Variants in MAGED2 observed in about 807,000 individuals in gnomAD.
The protein encoded by MAGED2 is MAGE family member D2, also known as melanoma-associated antigen D2.
In MAGED2, 6 loss-of-function variants were observed where a neutral mutation model predicts 41.7. The ratio of observed to expected loss-of-function variants is 0.14; its 90% CI spans 0.08 to 0.28. The LOEUF (loss-of-function observed/expected upper bound fraction) is 0.28, where lower values mean the gene tolerates loss of function less well. Among genes scored for constraint, MAGED2 ranks in the 10% least tolerant of loss-of-function variants. The probability of loss-of-function intolerance (pLI) is 1.00; values close to 1 mark genes in which losing one functional copy is unlikely to be tolerated. For missense variants in MAGED2, 343 were observed against 486.4 expected (o/e 0.71, Z 2.77); for synonymous variants, 146 against 178.2 (o/e 0.82, Z 1.44).
At position 54,815,464 on chromosome X, in the gene MAGED2, G is replaced by C. The variant is rs1460898784; in HGVS notation, c.1603G>C (p.Ala535Pro). The change falls in exon 12 of 13, where the codon GCA (alanine) becomes CCA (proline). Residue 535 changes from alanine to proline, a missense_variant. Transcript: ENST00000375068. ...PWAKARIQAGAEAKAKAQESG... is the reference protein window; with the variant it reads ...PWAKARIQAGPEAKAKAQESG... The stretch of plus-strand genomic sequence containing the variant: ...GGCCAAAGCCCGGATCCAGGCGGGA[G>C]CAGAAGCTAAAGCCAAAGCCCAAGA... 8 of 1,203,271 alleles carry C rather than the reference G, an allele frequency of 6.6e-6. No individual in the cohort carries two copies. In the Admixed American group the frequency reaches 1.3e-4, roughly 20 times the overall value.
chrX:54,808,981 A>C (rs1929707488), intron 1 of MAGED2: 1 of 305,565 alleles, frequency 3.3e-6, no homozygotes, highest in Non-Finnish European at 5.9e-6. Flanking sequence ...TCGTGCTGGG[A>C]AAGCGGGCGG....
At chrX:54,810,705 G>T in intron 3 of MAGED2, 116 bp from the exon 4 acceptor site, 1 of 571,887 alleles carries the variant, frequency 1.7e-6, no homozygotes. Flanking sequence ...AACATCTATT[G>T]AGTCAGGCTG....
Position 54,811,373 on chromosome X carries a change from T to C in MAGED2, c.910+60T>C, listed in dbSNP as rs1040044230. ...TCTGCCCTCCATTGCCCTTACACCA[T>C]TGTGCTGGGGATATCCCCTGCTCTT... On this transcript the variant is annotated intron_variant, in intron 5 of 12. Coordinates refer to ENST00000375068, the MANE Select transcript of MAGED2 (RefSeq NM_177433.3). 8 of 1,076,586 alleles carry C rather than the reference T, an allele frequency of 7.4e-6. No individual in the cohort carries two copies. In the Admixed American group the frequency reaches 8.8e-5, roughly 12 times the overall value. The allele number at this position is 1,076,586 out of a possible 1,213,427, so 88.7% of individuals were successfully genotyped here. A position where few individuals can be genotyped will look rare whatever the true frequency, so the allele number is the denominator to read the frequency against.
intron 10 of MAGED2, 126 bp downstream of exon 10, chrX:54,813,676 C>A: frequency 1.8e-6 from 1 of 567,346 alleles, no homozygotes; most frequent in Non-Finnish European, 2.9e-6. Flanking sequence ...TGCATGTATG[C>A]AGGTGGGATT....
Position 54,808,846 on chromosome X carries a change from CTG to C in MAGED2, c.-29-456_-29-455del, listed in dbSNP as rs1376964520. ...GCGTGTGTTGGGGCAGAGTGCCAGA[CTG>C]AGACCACGACCATTGCGCATGCGCA... On this transcript the variant is annotated intron_variant, in intron 1 of 12. Coordinates refer to ENST00000375068, the MANE Select transcript of MAGED2 (RefSeq NM_177433.3). 8.4e-4 allele frequency among the ~76,000 whole-genome samples: 95 copies of C among 112,567 alleles called. 1 individual carries two copies. The highest frequency in any genetic ancestry group is 2.9e-3 in the African/African-American group (90 of 30,992).
chrX:54,815,514 C>A lies in MAGED2; in HGVS notation c.1653C>A (p.Ala551=). 8.4e-7 allele frequency: 1 copy of A among 1,188,962 alleles called. No homozygotes were observed. Among genetic ancestry groups the A allele is most frequent in the South Asian group, 1.8e-5 (1 of 54,429 alleles). Residue 551 remains alanine, a synonymous_variant, in exon 12 of 13, where the codon GCC becomes GCA. Transcript: ENST00000375068. ...AQESGSASTG[A]STSTNNSASA... ...AGAGTGGCAGTGCCAGCACTGGTGC[C>A]AGTACCAGTACCAATAACAGTGCCA...
intron 1 of MAGED2, chrX:54,808,969 G>A (rs1929706874): frequency 3.4e-6 from 1 of 293,214 alleles, no homozygotes; most frequent in Admixed American, 4.9e-5. Flanking sequence ...CAAAGAAAGG[G>A]CTCGTGCTGG....
At chrX:54,808,279 A>C (rs1929675651) in intron 1 of MAGED2, 1 of 76,992 alleles carries the variant, frequency 1.3e-5, no homozygotes, top group East Asian at 3.8e-4. Context: ...AATGAGGAGC[A>C]GGGAGCGGGG....
At position 54,811,312 on chromosome X, in the gene MAGED2, G is replaced by A. The variant is rs771039734; in HGVS notation, c.909G>A (p.Ser303=). ...KDQTKIPIKR[S]DMLKDIIKEY... is the part of the protein sequence containing the mutation. ...AGACGAAGATTCCCATCAAGCGCTC[G>A]GGTAAAGTCCTACCAATCCTCCCTC... The change falls in exon 5 of 13, where the codon TCG becomes TCA. Residue 303 remains serine, a splice_region_variant and synonymous_variant. Coordinates refer to ENST00000375068, the MANE Select transcript of MAGED2 (RefSeq NM_177433.3). 21 of 1,207,281 alleles carry A rather than the reference G, an allele frequency of 1.7e-5. No homozygotes were observed. In the East Asian group the frequency reaches 3.3e-4, roughly 19 times the overall value.
chrX:54,812,881 T>C (rs968083327), intron 7 of MAGED2, 64 bp from the exon 8 acceptor site: 36 of 836,243 alleles, frequency 4.3e-5, no homozygotes, highest in Non-Finnish European at 4.7e-5. Flanking sequence ...CCTAGTGAGT[T>C]GGCTGGTGTG....
chrX:54,808,712 T>G (rs1369887640), intron 1 of MAGED2, among the ~76,000 whole-genome samples: 1 of 108,253 alleles, frequency 9.2e-6, no homozygotes, highest in Non-Finnish European at 1.9e-5. Flanking sequence ...CTGGACTCTG[T>G]AGGGCGTGAG....
At chrX:54,813,655 A>G (rs1929876485) in intron 10 of MAGED2, 105 bp downstream of exon 10, 1 of 623,936 alleles carries the variant, frequency 1.6e-6, no homozygotes, top group Non-Finnish European at 2.6e-6. Context: ...GTGTGTATGT[A>G]TTTGCATATT....
chrX:54,814,273 T>C, intron 10 of MAGED2: 1 of 338,981 alleles, frequency 3.0e-6, no homozygotes, highest in South Asian at 2.8e-5. Flanking sequence ...GTGTGAAGCA[T>C]GCTGCTATTG....
Position 54,810,046 on chromosome X carries a change from A to G in MAGED2, c.370A>G (p.Lys124Glu). The change falls in exon 3 of 13, where the codon AAA becomes GAA. Residue 124 changes from lysine (K) to glutamate (E), a missense_variant. Lys to Glu is a moderately conservative substitution (Grantham distance 56). This residue lies in a region of MAGED2 where 195 missense variants were observed against 221.2 expected (regional missense o/e 0.88). Transcript: ENST00000375068. ...TGTGACAATGCCTGCCACTGAGACCAAAAAGGTCAGCCATGTGGCTGATAC... is the reference window on the plus strand; with the variant it reads ...TGTGACAATGCCTGCCACTGAGACCGAAAAGGTCAGCCATGTGGCTGATAC... ...QAVTMPATET[K>E]KVSHVADTKV... The G allele has an allele frequency of 8.3e-7, 1 of 1,208,318 alleles. No individual in the cohort carries two copies. The highest frequency in any genetic ancestry group is 1.1e-6 in the Non-Finnish European group (1 of 893,628).
rs766654234 is a variant in MAGED2 at position 54,810,015 on chromosome X, G to T, written c.339G>T (p.Pro113=). The T allele has an allele frequency of 3.3e-6, 4 of 1,204,028 alleles. No individual in the cohort carries two copies. The highest frequency in any genetic ancestry group is 2.2e-5 in the Admixed American group (1 of 45,221). Residue 113 remains proline (P), a synonymous_variant, in exon 3 of 13, where the codon CCG becomes CCT. Coordinates refer to ENST00000375068, the MANE Select transcript of MAGED2 (RefSeq NM_177433.3). The part of the protein sequence containing the change: ...AADTKKQNAD[P]QAVTMPATET... ...ACACCAAGAAACAGAATGCTGACCC[G>T]CAGGCTGTGACAATGCCTGCCACTG...
In MAGED2 at chrX:54,812,184, G is replaced by T; in HGVS notation, c.1018G>T (p.Asp340Tyr). Residue 340 changes from aspartate to tyrosine, a missense_variant, in exon 7 of 13, where the codon GAT becomes TAT. Coordinates refer to ENST00000375068, the MANE Select transcript of MAGED2 (RefSeq NM_177433.3). The part of the protein sequence containing the change: ...KVFGIQLKEI[D>Y]KNDHLYILLS... ...ATTTGGGATTCAATTGAAGGAAATT[G>T]ATAAGAATGACCACTTGTACATTCT... The T allele has an allele frequency of 8.3e-7, 1 of 1,198,611 alleles. No individual in the cohort carries two copies. Among genetic ancestry groups the T allele is most frequent in the South Asian group, 1.8e-5 (1 of 56,342 alleles).
At chrX:54,812,307 A>C in intron 7 of MAGED2, 56 bp downstream of exon 7, 1 of 744,798 alleles carries the variant, frequency 1.3e-6, no homozygotes, top group Admixed American at 2.8e-5. Context: ...ATGTGCTGCT[A>C]CTCCTCCTTT....
chrX:54,810,455 T>C (rs1340373353), intron 3 of MAGED2, among the ~76,000 whole-genome samples: 1 of 112,291 alleles, frequency 8.9e-6, no homozygotes, highest in Non-Finnish European at 1.9e-5. Context: ...AGCACATTTA[T>C]GCAGGTTATC....
rs185932631 is a variant in MAGED2, at chrX:54,810,017, A to T, written c.341A>T (p.Gln114Leu). 8.3e-6 allele frequency: 10 copies of T among 1,205,060 alleles called. No individual in the cohort carries two copies. Among genetic ancestry groups the T allele is most frequent in the Non-Finnish European group, 1.1e-5 (10 of 892,788 alleles). The change falls in exon 3 of 13, where the codon CAG (glutamine) becomes CTG (leucine). Residue 114 changes from glutamine (Q) to leucine (L), a missense_variant. By Grantham distance (113) the Gln-to-Leu change is moderately radical. Coordinates refer to ENST00000375068, the MANE Select transcript of MAGED2 (RefSeq NM_177433.3). The part of the protein sequence containing the change: ...ADTKKQNADP[Q>L]AVTMPATETK... ...ACCAAGAAACAGAATGCTGACCCGC[A>T]GGCTGTGACAATGCCTGCCACTGAG...
Sources: allele counts gnomAD v4.1 joint callset (sites outside exome capture counted in the v4.1 genomes callset), GRCh38; gene constraint gnomAD v4.1.1; regional missense constraint gnomAD v4.1.1; transcripts MANE v1.5; gene names NCBI Gene and HGNC (gene_info 2026-07-23, HGNC 2026-07-21).